MDM2: variants seen among roughly 807,000 people sequenced by gnomAD.
MDM2 encodes E3 ubiquitin-protein ligase Mdm2.
Under a neutral mutation model 64.3 loss-of-function variants are expected in MDM2, and 11 were observed. The observed-to-expected ratio is 0.17, with a 90% CI of 0.11 to 0.28. The LOEUF (loss-of-function observed/expected upper bound fraction) is 0.28. MDM2 is among the 10% of genes least tolerant of loss of function. The pLI, the probability that MDM2 is intolerant of heterozygous loss-of-function variation, is 1.00. For missense variants in MDM2, 388 were observed against 577.1 expected, an observed-to-expected ratio of 0.67 and a Z score of 3.36; for synonymous variants, 194 against 192.9, an observed-to-expected ratio of 1.01 and a Z score of -0.05.
chr12:68,821,147 A>C (rs562555186), intron 5 of MDM2, among the ~76,000 whole-genome samples: 1 of 149,512 alleles, frequency 6.7e-6, no homozygotes, highest in Admixed American at 6.8e-5. Context: ...TCCCAGGTTC[A>C]AGCAATTCTT....
intron 8 of MDM2, 72 bp downstream of exon 8, chr12:68,829,003 T>G (rs1442101814): frequency 6.9e-7 from 1 of 1,442,460 alleles, no homozygotes; most frequent in Non-Finnish European, 9.6e-7. Flanking sequence ...CTAATAAGGA[T>G]ACGGATAGAA....
chr12:68,825,505 T>A lies in MDM2; in HGVS notation c.523+854T>A, dbSNP rs1882238065. ...CATCTCTACTAAAAATACAAAAAAT[T>A]AGCTGGATGTGGTGGCGGGTGCCTG... On this transcript the variant is annotated intron_variant, in intron 7 of 10. Transcript: ENST00000258149. 2.6e-5 allele frequency among the ~76,000 whole-genome samples: 4 copies of A among 151,980 alleles called. No homozygotes were observed. In the South Asian group the frequency reaches 8.3e-4, roughly 32 times the overall value.
intron 4 of MDM2, among the ~76,000 whole-genome samples, chr12:68,818,078 G>A (rs187940580): frequency 1.8e-3 from 274 of 152,272 alleles, no homozygotes; most frequent in African/African-American, 6.4e-3. Flanking sequence ...ACAGATGTGA[G>A]CAACCACACC....
At chr12:68,824,480 A>G (rs983982863) in intron 6 of MDM2, 50 bp downstream of exon 6, 2 of 1,598,048 alleles carry the variant, frequency 1.3e-6, no homozygotes, top group Non-Finnish European at 1.7e-6. Flanking sequence ...TGCAAATTGG[A>G]AAGGTTATTT....
chr12:68,844,651 A>C lies in MDM2; in HGVS notation c.*4802A>C, dbSNP rs1884112082. The C allele has an allele frequency of 4.4e-6, 1 of 225,250 alleles. No homozygotes were observed. Among genetic ancestry groups the C allele is most frequent in the Non-Finnish European group, 8.8e-6 (1 of 113,672 alleles). 14.0% of individuals were successfully genotyped at this position (225,250 alleles called of 1,614,324 possible). On this transcript the variant is annotated 3_prime_UTR_variant, in exon 11 of 11. Coordinates refer to ENST00000258149, the MANE Select transcript of MDM2 (RefSeq NM_002392.6). ...GAGGCACAAATGTAAGTACATCAGAAAAAAACAAAAAAACTGGCTTTAAAG... is the reference window on the plus strand; with the variant it reads ...GAGGCACAAATGTAAGTACATCAGACAAAAACAAAAAAACTGGCTTTAAAG...
At chr12:68,828,699 A>G in intron 7 of MDM2, 72 bp from the exon 8 acceptor site, 1 of 1,349,672 alleles carries the variant, frequency 7.4e-7, no homozygotes, top group Non-Finnish European at 1.0e-6. Flanking sequence ...TTTCTGTACA[A>G]ATAGGTACTC....
In MDM2 at chr12:68,813,844, C is replaced by T. The variant is rs960012845; in HGVS notation, c.174+216C>T. Among the ~76,000 whole-genome samples, 8 of 152,200 alleles carry T rather than the reference C, an allele frequency of 5.3e-5. No individual in the cohort carries two copies. The South Asian group carries it at 8.3e-4, about 16-fold the overall frequency. ...TAGGAACTCAGATAAATGGAAGCCCCGTAAGGGTGCTTGACCATTTTATGC... is the reference window on the plus strand; with the variant it reads ...TAGGAACTCAGATAAATGGAAGCCCTGTAAGGGTGCTTGACCATTTTATGC... On this transcript the variant is annotated intron_variant, in intron 3 of 10. Coordinates refer to ENST00000258149, the MANE Select transcript of MDM2 (RefSeq NM_002392.6).
At chr12:68,835,446 A>G (rs899543833) in intron 8 of MDM2, among the ~76,000 whole-genome samples, 3 of 152,252 alleles carry the variant, frequency 2.0e-5, no homozygotes, top group Non-Finnish European at 4.4e-5. Flanking sequence ...AGGGGTGTCT[A>G]GTTGAAGACA....
intron 2 of MDM2, among the ~76,000 whole-genome samples, chr12:68,810,929 G>T (rs1343435659): frequency 2.6e-5 from 4 of 151,934 alleles, no homozygotes. Context: ...GCAATGGCGA[G>T]ATCTTGTCTC....
intron 8 of MDM2, 70 bp from the exon 9 acceptor site, chr12:68,835,756 GGAT>G: frequency 7.1e-7 from 1 of 1,413,952 alleles, no homozygotes; most frequent in South Asian, 1.4e-5. Context: ...AGAGGCACAG[GGAT>G]GAGTTAGGAA....
chr12:68,815,231 A>G (rs3730520), intron 3 of MDM2, among the ~76,000 whole-genome samples: 5,077 of 152,310 alleles, frequency 0.033, 306 homozygotes, highest in African/African-American at 0.12. Flanking sequence ...CAGTAGATAG[A>G]AATGAGAAAA....
intron 5 of MDM2, among the ~76,000 whole-genome samples, chr12:68,821,447 G>T (rs1881841174): frequency 6.6e-6 from 1 of 152,170 alleles, no homozygotes; most frequent in Non-Finnish European, 1.5e-5. Context: ...CTTAGGCCAG[G>T]TGTGATGGCT....
chr12:68,820,384 T>G lies in MDM2; in HGVS notation c.358+10T>G, dbSNP rs1182222629. The G allele has an allele frequency of 1.2e-6, 2 of 1,600,130 alleles. No individual in the cohort carries two copies. Among genetic ancestry groups the G allele is most frequent in the South Asian group, 2.2e-5 (2 of 89,020 alleles). On this transcript the variant is annotated intron_variant, in intron 5 of 10. Coordinates refer to ENST00000258149, the MANE Select transcript of MDM2 (RefSeq NM_002392.6). Reference sequence around the variant, plus strand: ...GTAGTCAATCAGCAGGGTAAGTTAATTTTGAGCATCATGGATAAATACCAT... The same window carrying G: ...GTAGTCAATCAGCAGGGTAAGTTAAGTTTGAGCATCATGGATAAATACCAT...
chr12:68,849,335 C>CT (rs1194772002), downstream of MDM2: 1 of 151,480 alleles, frequency 6.6e-6, no homozygotes, highest in East Asian at 2.0e-4. Flanking sequence ...GGTGACCCAC[C>CT]TGCTTTGGCC....
intron 8 of MDM2, 35 bp downstream of exon 8, chr12:68,828,966 A>G (rs1882575428): frequency 1.9e-6 from 3 of 1,607,470 alleles, no homozygotes; most frequent in Admixed American, 3.3e-5. Flanking sequence ...CAAGACTCTT[A>G]CTGTTCAAAG....
intron 8 of MDM2, among the ~76,000 whole-genome samples, chr12:68,831,274 C>T (rs1224014283): frequency 6.6e-6 from 1 of 152,098 alleles, no homozygotes; most frequent in Non-Finnish European, 1.5e-5. Flanking sequence ...GAGGGGGGCT[C>T]TAAAGCTGAA....
intron 7 of MDM2, 127 bp from the exon 8 acceptor site, chr12:68,828,644 C>A: frequency 1.4e-6 from 1 of 702,742 alleles, no homozygotes; most frequent in South Asian, 1.9e-5. Context: ...TGGACAGATT[C>A]AATAAAACAG....
chr12:68,843,484 ATCTC>A lies in MDM2; in HGVS notation c.*3638_*3641del, dbSNP rs1345336066. 4.4e-6 allele frequency: 1 copy of A among 225,696 alleles called. No individual in the cohort carries two copies. The highest frequency in any genetic ancestry group is 6.4e-5 in the East Asian group (1 of 15,680). 14.0% of individuals were successfully genotyped at this position (225,696 alleles called of 1,614,324 possible). On this transcript the variant is annotated 3_prime_UTR_variant, in exon 11 of 11. Coordinates refer to ENST00000258149, the MANE Select transcript of MDM2 (RefSeq NM_002392.6). ...AACATTTAAAATTTCTAATATAAGT[ATCTC>A]TCAAACTGTGGATTAACTTCTTGAT...
rs375628019 is a variant in MDM2 at position 68,840,106 on chromosome 12, G to GT, written c.*268dup. 24,549 of 315,408 alleles carry GT rather than the reference G, an allele frequency of 0.078. No homozygotes were observed. Among genetic ancestry groups the GT allele is most frequent in the Middle Eastern group, 0.11 (112 of 1,052 alleles). The allele number at this position is 315,408 out of a possible 1,614,324, so 19.5% of individuals were successfully genotyped here. On this transcript the variant is annotated 3_prime_UTR_variant, in exon 11 of 11. Transcript: ENST00000258149. The stretch of plus-strand genomic sequence containing the variant: ...CTCTGTCTTAAATGAGAAGTACTTG[G>GT]TTTTTTTTTTTCTTAAATATGTATA...
Sources: allele counts gnomAD v4.1 joint callset (sites outside exome capture counted in the v4.1 genomes callset), GRCh38; gene constraint gnomAD v4.1.1; transcripts MANE v1.5; gene names NCBI Gene and HGNC (gene_info 2026-07-23, HGNC 2026-07-21).